Variants in PTPN22 observed in about 807,000 individuals in gnomAD.
PTPN22 encodes protein tyrosine phosphatase non-receptor type 22.
PTPN22 carries 85 observed loss-of-function variants against 103.3 expected under a neutral mutation model. That is an observed-to-expected ratio of 0.82 (90% CI 0.69 to 0.99). The LOEUF is 0.99. Among genes scored for constraint, PTPN22 ranks in the 50% least tolerant of loss-of-function variants. The pLI, the probability that PTPN22 is intolerant of heterozygous loss-of-function variation, is 0.00. For missense variants in PTPN22, 865 were observed against 936.9 expected (o/e 0.92, Z 1.00); for synonymous variants, 323 against 310.2 (o/e 1.04, Z -0.43).
chr1:113,830,134 C>T (rs1408804420), intron 16 of PTPN22, 105 bp from the exon 17 acceptor site: 8 of 779,076 alleles, frequency 1.0e-5, no homozygotes, highest in South Asian at 9.9e-5. Flanking sequence ...CAATCTTAGC[C>T]GACAATCACC....
At chr1:113,833,482 G>A (rs1052989482) in intron 15 of PTPN22, among the ~76,000 whole-genome samples, 1 of 152,128 alleles carries the variant, frequency 6.6e-6, no homozygotes, top group Non-Finnish European at 1.5e-5. Flanking sequence ...TTTCCTCTGG[G>A]AGTTGTTAAA....
exon 13 of PTPN22, chr1:113,838,247 A>G (rs1210027399): frequency 6.2e-7 from 1 of 1,614,122 alleles, no homozygotes; most frequent in East Asian, 2.2e-5. Context: ...TCAAAACTGT[A>G]ATTTAGCTCC....
At chr1:113,863,542 T>C (rs995149635) in intron 1 of PTPN22, among the ~76,000 whole-genome samples, 11 of 152,214 alleles carry the variant, frequency 7.2e-5, no homozygotes, top group African/African-American at 2.7e-4. Context: ...AATTGCACCT[T>C]AATGTGCACA....
intron 19 of PTPN22, chr1:113,819,855 GTTTCT>G: frequency 3.0e-6 from 1 of 334,196 alleles, no homozygotes; most frequent in Non-Finnish European, 5.3e-6. Context: ...TTCTTAAAAG[GTTTCT>G]TTTCTTTGCA....
chr1:113,834,252 G>A, intron 15 of PTPN22, 57 bp downstream of exon 15: 4 of 1,530,990 alleles, frequency 2.6e-6, no homozygotes, highest in Non-Finnish European at 3.6e-6. Flanking sequence ...AAAATACAAG[G>A]AGTAGAACTG....
At chr1:113,845,554 G>T (rs1397138969) in intron 11 of PTPN22, among the ~76,000 whole-genome samples, 1 of 152,078 alleles carries the variant, frequency 6.6e-6, no homozygotes, top group Non-Finnish European at 1.5e-5. Flanking sequence ...TATGGCTCAG[G>T]ATATACTCTA....
intron 1 of PTPN22, among the ~76,000 whole-genome samples, chr1:113,862,562 A>T (rs1571467580): frequency 6.6e-6 from 1 of 152,232 alleles, no homozygotes; most frequent in Non-Finnish European, 1.5e-5. Context: ...TAAATAAAAT[A>T]AAGTCACTCC....
chr1:113,825,252 G>A (rs768109808), intron 18 of PTPN22, 80 bp from the exon 19 acceptor site: 17 of 911,324 alleles, frequency 1.9e-5, no homozygotes, highest in Non-Finnish European at 2.8e-5. Flanking sequence ...ATAGACTTAA[G>A]TGAAAAGAAT....
intron 20 of PTPN22, 128 bp from the exon 21 acceptor site, chr1:113,815,097 G>C (rs1571321940): frequency 1.5e-6 from 1 of 655,296 alleles, no homozygotes; most frequent in East Asian, 2.8e-5. Context: ...GCAGCATCTT[G>C]ACCAGTTTAG....
intron 18 of PTPN22, among the ~76,000 whole-genome samples, chr1:113,828,697 C>T (rs1442613653): frequency 2.6e-5 from 4 of 152,148 alleles, no homozygotes; most frequent in Admixed American, 2.0e-4. Context: ...GGCTGGAGTA[C>T]AGTGGCATAA....
chr1:113,856,793 T>A lies in PTPN22; in HGVS notation c.409-174A>T. ...TCTCCAAAGATGGGAAAACAAACAT[T>A]AAAGGATATATAAATTACAGACTTC... On this transcript the variant is annotated intron_variant, in intron 5 of 20. Coordinates refer to ENST00000359785, the Ensembl canonical transcript of PTPN22. 4.1e-6 allele frequency: 3 copies of A among 729,830 alleles called. 1 individual carries two copies. The South Asian group carries it at 6.1e-5, about 15-fold the overall frequency. 45.2% of individuals were successfully genotyped at this position (729,830 alleles called of 1,614,324 possible).
At chr1:113,837,451 AAAAAAAAAAAG>A in intron 13 of PTPN22, 128 bp downstream of exon 13, 1 of 592,628 alleles carries the variant, frequency 1.7e-6, no homozygotes, top group Non-Finnish European at 2.7e-6. Flanking sequence ...CTCCATCTCA[AAAAAAAAAAAG>A]AAAAAAAAGA....
At chr1:113,839,121 T>C (rs1337759203) in intron 11 of PTPN22, among the ~76,000 whole-genome samples, 1 of 152,172 alleles carries the variant, frequency 6.6e-6, no homozygotes, top group African/African-American at 2.4e-5. Flanking sequence ...ATATTTTTGC[T>C]CCAAATTTTG....
chr1:113,817,223 A>C (rs953100120), intron 20 of PTPN22, among the ~76,000 whole-genome samples: 2 of 152,220 alleles, frequency 1.3e-5, no homozygotes, highest in Non-Finnish European at 2.9e-5. Context: ...GACATATGTT[A>C]GTATTGAGTA....
intron 18 of PTPN22, among the ~76,000 whole-genome samples, chr1:113,825,552 A>G (rs1038129259): frequency 1.3e-5 from 2 of 152,232 alleles, no homozygotes; most frequent in South Asian, 2.1e-4. Context: ...TAAAAAAAAT[A>G]TTAGCTGAAT....
At chr1:113,857,744 C>T in exon 5 of PTPN22, 2 of 1,611,536 alleles carry the variant, frequency 1.2e-6, no homozygotes, top group Non-Finnish European at 1.7e-6. Flanking sequence ...TTACCTTTCC[C>T]ATTTCATACT....
chr1:113,814,903 T>C, exon 21 of PTPN22: 1 of 1,597,954 alleles, frequency 6.3e-7, no homozygotes, highest in African/African-American at 1.3e-5. Context: ...TCTGGAGTTT[T>C]ATTAAATATT....
intron 17 of PTPN22, 22 bp from the exon 18 acceptor site, chr1:113,829,729 A>T (rs760986450): frequency 6.8e-7 from 1 of 1,466,010 alleles, no homozygotes; most frequent in African/African-American, 1.4e-5. Flanking sequence ...AAAAGGAGAA[A>T]AACATGTTCC....
intron 15 of PTPN22, among the ~76,000 whole-genome samples, 176 bp from the exon 16 acceptor site, chr1:113,833,314 T>C (rs569127040): frequency 9.2e-5 from 14 of 152,322 alleles, no homozygotes; most frequent in African/African-American, 3.4e-4. Flanking sequence ...ATGGCATCTT[T>C]CACTCTTACA....
Sources: allele counts gnomAD v4.1 joint callset (sites outside exome capture counted in the v4.1 genomes callset), GRCh38; gene constraint gnomAD v4.1.1; transcripts MANE v1.5; gene names NCBI Gene and HGNC (gene_info 2026-07-23, HGNC 2026-07-21).